The following NACC1 variants were observed in gnomAD, a reference collection of about 807,000 sequenced individuals.
NACC1 encodes the protein nucleus accumbens associated 1.
In NACC1, 6 loss-of-function variants were observed where a neutral mutation model predicts 41.7. The ratio of observed to expected loss-of-function variants is 0.14; its 90% confidence interval spans 0.08 to 0.28. The LOEUF (loss-of-function observed/expected upper bound fraction) is 0.28. Ranked by LOEUF, NACC1 falls within the 10% of genes least tolerant of loss-of-function variation. The probability of loss-of-function intolerance (pLI) is 1.00; values close to 1 mark genes in which losing one functional copy is unlikely to be tolerated. For synonymous variants in NACC1, 338 were observed against 330.6 expected, an observed-to-expected ratio of 1.02 and a Z score of -0.24; for missense variants, 434 against 763.7, an observed-to-expected ratio of 0.57 and a Z score of 5.09.
At chr19:13,126,674 T>C (rs1455192162) in intron 1 of NACC1, among the ~76,000 whole-genome samples, 2 of 152,152 alleles carry the variant, frequency 1.3e-5, no homozygotes, top group East Asian at 3.9e-4. Context: ...GACTGCTGGC[T>C]ACCCACCTTG....
At chr19:13,132,219 C>T (rs1352609628) in intron 1 of NACC1, 1 of 151,514 alleles carries the variant, frequency 6.6e-6, no homozygotes, top group Non-Finnish European at 1.5e-5. Flanking sequence ...AGTTCAAGAC[C>T]AGCCTGGCCT....
Position 13,138,074 on chromosome 19 carries a change from G to C in NACC1, c.1325-73G>C. The stretch of plus-strand genomic sequence containing the variant: ...TTGAGAGGGAGTCGCAGATGCTGTA[G>C]GGGAGCTGGTGAGTAGGCCTTGTGG... On this transcript the variant is annotated intron_variant, in intron 5 of 5. Coordinates refer to ENST00000292431, the MANE Select transcript of NACC1 (RefSeq NM_052876.4). This position sits in a 1 kb window ranked among gnomAD's most constrained non-coding sequence, Gnocchi z 5.7. 1.3e-6 allele frequency: 2 copies of C among 1,575,504 alleles called. No homozygotes were observed. Among genetic ancestry groups the C allele is most frequent in the Admixed American group, 1.7e-5 (1 of 58,544 alleles).
At chr19:13,130,914 C>T (rs1222934987) in intron 1 of NACC1, among the ~76,000 whole-genome samples, 4 of 152,168 alleles carry the variant, frequency 2.6e-5, no homozygotes, top group Non-Finnish European at 4.4e-5. Flanking sequence ...GGCCAGGACC[C>T]CACCTGTCCC....
chr19:13,136,056 C>G lies in NACC1; in HGVS notation c.849C>G (p.Asp283Glu), dbSNP rs776238415. The G allele has an allele frequency of 3.1e-6, 5 of 1,614,090 alleles. No individual in the cohort carries two copies. Among genetic ancestry groups the G allele is most frequent in the Non-Finnish European group, 3.4e-6 (4 of 1,180,014 alleles). Residue 283 changes from aspartate to glutamate, a missense_variant, in exon 2 of 6, where the codon GAC (aspartate) becomes GAG (glutamate). Physicochemically the swap from Asp to Glu is conservative, Grantham distance 45 (BLOSUM62 2). Coordinates refer to ENST00000292431, the MANE Select transcript of NACC1 (RefSeq NM_052876.4). This position sits in a 1 kb window ranked among gnomAD's most constrained non-coding sequence, Gnocchi z 5.5. Reference protein sequence around the residue: ...DSPGSYHNEEDEEEDGGEEGM... With the variant: ...DSPGSYHNEEEEEEDGGEEGM... ...CTGGCTCCTACCACAATGAGGAGGA[C>G]GAGGAGGAGGATGGTGGCGAGGAGG...
Position 13,122,534 on chromosome 19 carries a change from G to C in NACC1, c.-9+4080G>C, listed in dbSNP as rs796508063. ...TTGGTTGCCCCTGCCGGGGGGGGGG[G>C]GGTGTGCTGCTGGCATCTAGTGGGT... is the stretch of plus-strand genomic sequence containing the variant. On this transcript the variant is annotated intron_variant, in intron 1 of 5. Coordinates refer to ENST00000292431, the MANE Select transcript of NACC1 (RefSeq NM_052876.4). Among the ~76,000 whole-genome samples the C allele has an allele frequency of 4.1e-4, 62 of 150,646 alleles. 2 individuals carry two copies. Among genetic ancestry groups the C allele is most frequent in the Middle Eastern group, 3.4e-3 (1 of 294 alleles).
upstream of NACC1, among the ~76,000 whole-genome samples, chr19:13,117,919 G>T (rs556274116): frequency 6.6e-6 from 1 of 152,280 alleles, no homozygotes; most frequent in African/African-American, 2.4e-5. Context: ...TAGTTTAAAC[G>T]AGCTAATTCC....
At chr19:13,133,891 G>A (rs1339167680) in intron 1 of NACC1, among the ~76,000 whole-genome samples, 4 of 152,132 alleles carry the variant, frequency 2.6e-5, no homozygotes, top group African/African-American at 9.7e-5. Context: ...ATTCCCACAA[G>A]CAGTGGAAAT....
In NACC1 at chr19:13,137,414, G is replaced by T. The variant is rs747944755; in HGVS notation, c.1226+38G>T. The stretch of plus-strand genomic sequence containing the variant: ...CCAGAGCCCCAGGGAGGGGGGTGGG[G>T]TTTCCCCATGTCCCCCCCACCACCA... On this transcript the variant is annotated intron_variant, in intron 4 of 5. Transcript: ENST00000292431. The surrounding 1 kb of genome is among the most constrained non-coding windows in gnomAD (Gnocchi z 6.1). The T allele has an allele frequency of 4.1e-6, 6 of 1,453,606 alleles. No homozygotes were observed. The highest frequency in any genetic ancestry group is 1.7e-4 in the Middle Eastern group (1 of 5,766). 90.0% of individuals were successfully genotyped at this position (1,453,606 alleles called of 1,614,324 possible).
intron 1 of NACC1, among the ~76,000 whole-genome samples, chr19:13,134,031 A>G (rs1227667920): frequency 1.3e-5 from 2 of 152,082 alleles, no homozygotes; most frequent in Admixed American, 1.3e-4. Context: ...CCTGATGACT[A>G]GAGATGTTTT....
Position 13,135,244 on chromosome 19 carries a change from G to T in NACC1, c.37G>T (p.Gly13Cys). 1 of 1,612,510 alleles carries T rather than the reference G, an allele frequency of 6.2e-7. No individual in the cohort carries two copies. Among genetic ancestry groups the T allele is most frequent in the South Asian group, 1.1e-5 (1 of 90,982 alleles). ...QTLQMEIPNF[G>C]NSILECLNEQ... ...ACTGCAGATGGAGATCCCGAACTTC[G>T]GCAACAGCATCCTGGAGTGCCTCAA... The change falls in exon 2 of 6, where the codon GGC becomes TGC. Residue 13 changes from glycine to cysteine, a missense_variant. Gly to Cys is a radical substitution (Grantham distance 159). Transcript: ENST00000292431.
intron 1 of NACC1, among the ~76,000 whole-genome samples, chr19:13,127,371 CTTTTTTTTTTT>C (rs147514422): frequency 1.4e-3 from 41 of 28,516 alleles, no homozygotes; most frequent in Admixed American, 3.2e-3. Context: ...TATACATATA[CTTTTTTTTTTT>C]TTTTTTTTTT....
chr19:13,133,429 T>C (rs2019659549), intron 1 of NACC1, among the ~76,000 whole-genome samples: 1 of 151,578 alleles, frequency 6.6e-6, no homozygotes, highest in East Asian at 1.9e-4. Context: ...CACACCCCCA[T>C]TCTCCCCGCC....
Position 13,138,270 on chromosome 19 carries a change from A to G in NACC1, c.1448A>G (p.Lys483Arg), listed in dbSNP as rs1388972645. 3 of 1,614,222 alleles carry G rather than the reference A, an allele frequency of 1.9e-6. No homozygotes were observed. The highest frequency in any genetic ancestry group is 1.7e-5 in the Admixed American group (1 of 60,036). ...TGGATGCCCAAGGTCAAGGTGCTCA[A>G]GGCTGAGGATGACGCCTACACCACC... ...KSWMPKVKVLKAEDDAYTTFI... is the reference protein window; with the variant it reads ...KSWMPKVKVLRAEDDAYTTFI... Residue 483 changes from lysine to arginine, a missense_variant, in exon 6 of 6, where the codon AAG (lysine) becomes AGG (arginine). Coordinates refer to ENST00000292431, the MANE Select transcript of NACC1 (RefSeq NM_052876.4). The surrounding 1 kb of genome is among the most constrained non-coding windows in gnomAD (Gnocchi z 5.7).
intron 1 of NACC1, among the ~76,000 whole-genome samples, chr19:13,130,346 G>A (rs183964154): frequency 1.3e-5 from 2 of 152,136 alleles, no homozygotes; most frequent in East Asian, 1.9e-4. Context: ...TCAGAGTGCT[G>A]TGATTACAGG....
At chr19:13,126,655 T>C (rs917478306) in intron 1 of NACC1, among the ~76,000 whole-genome samples, 1 of 152,062 alleles carries the variant, frequency 6.6e-6, no homozygotes, top group Non-Finnish European at 1.5e-5. Flanking sequence ...GCGGTCTCAA[T>C]AGGCCCCTGA....
Position 13,137,255 on chromosome 19 carries a change from G to C in NACC1, c.1121-16G>C, listed in dbSNP as rs575090870. 1.2e-5 allele frequency: 20 copies of C among 1,611,220 alleles called. No individual in the cohort carries two copies. Among genetic ancestry groups the C allele is most frequent in the Non-Finnish European group, 1.3e-5 (15 of 1,178,744 alleles). ...TTGGGGGCACCCCAGGCCATCCTCC[G>C]GCTTCCTCTCACCAGGCACCAACGT... On this transcript the variant is annotated splice_polypyrimidine_tract_variant and intron_variant, in intron 3 of 5. Coordinates refer to ENST00000292431, the MANE Select transcript of NACC1 (RefSeq NM_052876.4). The surrounding 1 kb of genome is among the most constrained non-coding windows in gnomAD (Gnocchi z 6.1).
chr19:13,135,732 CG>C lies in NACC1; in HGVS notation c.526del (p.Val176CysfsTer78). On this transcript the variant is annotated frameshift_variant, in exon 2 of 6. Transcript: ENST00000292431. LOFTEE classifies it high-confidence loss of function. ...VKTEQQESDS[V>X]QCMPVAKRLW... The stretch of plus-strand genomic sequence containing the variant: ...AGACGGAGCAGCAGGAGTCGGACTC[CG>C]TGCAGTGCATGCCCGTGGCCAAGCG... 1 of 1,557,712 alleles carries C rather than the reference CG, an allele frequency of 6.4e-7. No homozygotes were observed. Among genetic ancestry groups the C allele is most frequent in the Non-Finnish European group, 8.7e-7 (1 of 1,153,200 alleles).
At chr19:13,124,259 G>C (rs1168296383) in intron 1 of NACC1, among the ~76,000 whole-genome samples, 3 of 152,094 alleles carry the variant, frequency 2.0e-5, no homozygotes, top group Non-Finnish European at 2.9e-5. Context: ...AATTAGCCAG[G>C]CATGGTGGTG....
chr19:13,131,003 T>C (rs2019627997), intron 1 of NACC1, among the ~76,000 whole-genome samples: 1 of 152,132 alleles, frequency 6.6e-6, no homozygotes, highest in Non-Finnish European at 1.5e-5. Context: ...GGACCACACC[T>C]GATACCTTCC....
Sources: allele counts gnomAD v4.1 joint callset (sites outside exome capture counted in the v4.1 genomes callset), GRCh38; gene constraint gnomAD v4.1.1; non-coding constraint Gnocchi (gnomAD v3.1); transcripts MANE v1.5; gene names NCBI Gene and HGNC (gene_info 2026-07-23, HGNC 2026-07-21).